Variants in CACNA2D2 observed in about 807,000 individuals in gnomAD.
The protein encoded by CACNA2D2 is voltage-dependent calcium channel subunit alpha-2/delta-2.
In CACNA2D2, 48 loss-of-function variants were observed where a neutral mutation model predicts 166.4. The observed-to-expected ratio is 0.29, with a 90% CI of 0.23 to 0.37. The LOEUF is 0.37. Among genes scored for constraint, CACNA2D2 ranks in the 10% least tolerant of loss-of-function variants. CACNA2D2 has a pLI of 1.00. For synonymous variants in CACNA2D2, 561 were observed against 573.7 expected, an observed-to-expected ratio of 0.98 and a Z score of 0.32; for missense variants, 1,122 against 1,433.0, an observed-to-expected ratio of 0.78 and a Z score of 3.50.
intron 1 of CACNA2D2, among the ~76,000 whole-genome samples, chr3:50,489,324 T>C (rs1698421531): frequency 6.6e-6 from 1 of 152,160 alleles, no homozygotes; most frequent in Admixed American, 6.5e-5. Context: ...AATGGCCTCC[T>C]CCATATGCCA....
chr3:50,368,956 C>T (rs1354722141), intron 23 of CACNA2D2, among the ~76,000 whole-genome samples: 1 of 152,248 alleles, frequency 6.6e-6, no homozygotes, highest in Non-Finnish European at 1.5e-5. Flanking sequence ...ACCCCTCATT[C>T]ATACCTCTGC....
At chr3:50,411,258 T>C (rs1707003250) in intron 3 of CACNA2D2, among the ~76,000 whole-genome samples, 2 of 152,348 alleles carry the variant, frequency 1.3e-5, no homozygotes, top group Admixed American at 6.5e-5. Flanking sequence ...CAGCCTGTGA[T>C]CATTTTGTTT....
intron 2 of CACNA2D2, among the ~76,000 whole-genome samples, chr3:50,453,900 G>C (rs1709223933): frequency 6.6e-6 from 1 of 152,146 alleles, no homozygotes; most frequent in South Asian, 2.1e-4. Context: ...TCAGGGAAGG[G>C]AGGTGTGATC....
chr3:50,423,761 C>A (rs1009929521), intron 3 of CACNA2D2, among the ~76,000 whole-genome samples: 3 of 152,258 alleles, frequency 2.0e-5, no homozygotes, highest in Admixed American at 1.3e-4. Flanking sequence ...CCGTGCCCAG[C>A]CTCTCAAACA....
intron 1 of CACNA2D2, among the ~76,000 whole-genome samples, chr3:50,481,967 C>T (rs898468853): frequency 2.0e-5 from 3 of 152,056 alleles, no homozygotes; most frequent in African/African-American, 7.2e-5. Flanking sequence ...TGTATTCCAG[C>T]GTGGGTGACA....
chr3:50,386,797 T>C (rs1395979152), intron 5 of CACNA2D2, among the ~76,000 whole-genome samples: 2 of 152,202 alleles, frequency 1.3e-5, no homozygotes, highest in Non-Finnish European at 2.9e-5. Flanking sequence ...CACCTCTGTT[T>C]ACAGAGGGGA....
Position 50,364,687 on chromosome 3 carries a change from G to T in CACNA2D2, c.3411C>A (p.Val1137=). Residue 1137 remains valine, a synonymous_variant, in exon 38 of 38, where the codon GTC becomes GTA. Coordinates refer to ENST00000424201, the MANE Select transcript of CACNA2D2 (RefSeq NM_006030.4). ...LPPRPQPQVL[V]HASRRL ...GTGCTCAGAGGCGGCGAGAGGCGTG[G>T]ACGAGGACTTGAGGCTGCGGCCGGG... 6.5e-7 allele frequency: 1 copy of T among 1,539,228 alleles called. No homozygotes were observed. Among genetic ancestry groups the T allele is most frequent in the Non-Finnish European group, 8.8e-7 (1 of 1,141,152 alleles).
At chr3:50,396,300 G>A (rs955532055) in intron 3 of CACNA2D2, among the ~76,000 whole-genome samples, 13 of 152,036 alleles carry the variant, frequency 8.6e-5, no homozygotes, top group African/African-American at 2.4e-4. Context: ...TGTCCTGCCC[G>A]GAACCTGCAT....
rs186626330 is a variant in CACNA2D2, at chr3:50,438,894, C to G, written c.289-4465G>C. On this transcript the variant is annotated intron_variant, in intron 2 of 37. Transcript: ENST00000424201. ...GGGCCAAGGAAGCTGCAGGAACAGC[C>G]CTGTTTGCCCCGAGTGTTAGCTCTG... is the stretch of plus-strand genomic sequence containing the variant. Among the ~76,000 whole-genome samples, 809 of 152,272 alleles carry G rather than the reference C, an allele frequency of 5.3e-3. 15 individuals are homozygous for G. The highest frequency in any genetic ancestry group is 0.018 in the African/African-American group (755 of 41,550).
chr3:50,376,281 CGA>C lies in CACNA2D2; in HGVS notation c.1627-95_1627-94del. ...TTCCCTATTTGGCCTCCCACCGCACCGAGAGATTCTGTTTGCCTGCCTTGGGC... is the reference window on the plus strand; with the variant it reads ...TTCCCTATTTGGCCTCCCACCGCACCGAGATTCTGTTTGCCTGCCTTGGGC... On this transcript the variant is annotated intron_variant, in intron 17 of 37. Transcript: ENST00000424201. This position sits in a 1 kb window ranked among gnomAD's most constrained non-coding sequence, Gnocchi z 4.3. 2 of 1,309,802 alleles carry C rather than the reference CGA, an allele frequency of 1.5e-6. No individual in the cohort carries two copies. The highest frequency in any genetic ancestry group is 2.4e-5 in the East Asian group (1 of 40,926). 81.1% of individuals were successfully genotyped at this position (1,309,802 alleles called of 1,614,324 possible). A position where few individuals can be genotyped will look rare whatever the true frequency, so the allele number is the denominator to read the frequency against.
intron 3 of CACNA2D2, among the ~76,000 whole-genome samples, chr3:50,413,176 A>AG (rs1707106250): frequency 6.7e-6 from 1 of 150,296 alleles, no homozygotes; most frequent in Admixed American, 6.6e-5. Flanking sequence ...TGGTTGGGGT[A>AG]GGGGGGTGGT....
At chr3:50,431,660 G>A (rs942973358) in intron 3 of CACNA2D2, among the ~76,000 whole-genome samples, 1 of 152,166 alleles carries the variant, frequency 6.6e-6, no homozygotes, top group Non-Finnish European at 1.5e-5. Context: ...TGTCTGGTCA[G>A]TACATGCCTT....
At chr3:50,465,599 A>G (rs1354441050) in intron 2 of CACNA2D2, among the ~76,000 whole-genome samples, 1 of 152,200 alleles carries the variant, frequency 6.6e-6, no homozygotes, top group African/African-American at 2.4e-5. Context: ...GGGCAGCTGC[A>G]ATCACAGTGA....
At chr3:50,470,697 C>T (rs948885345) in intron 2 of CACNA2D2, among the ~76,000 whole-genome samples, 28 of 150,928 alleles carry the variant, frequency 1.9e-4, no homozygotes, top group African/African-American at 6.3e-4. Flanking sequence ...CCAGACTTTA[C>T]AGTGGGCGGG....
chr3:50,496,191 C>T (rs1018814507), intron 1 of CACNA2D2, among the ~76,000 whole-genome samples: 5 of 152,230 alleles, frequency 3.3e-5, no homozygotes, highest in African/African-American at 9.6e-5. Flanking sequence ...AGAGATAAAC[C>T]ACACGTGTGC....
chr3:50,435,136 T>G (rs377722490), intron 2 of CACNA2D2, among the ~76,000 whole-genome samples: 207 of 132,064 alleles, frequency 1.6e-3, no homozygotes, highest in Admixed American at 2.5e-3. Flanking sequence ...AATCTGAGGG[T>G]GTGTGTGTGT....
At chr3:50,462,936 TAG>T (rs1421638707) in intron 2 of CACNA2D2, among the ~76,000 whole-genome samples, 1 of 149,406 alleles carries the variant, frequency 6.7e-6, no homozygotes, top group South Asian at 2.1e-4. Context: ...GATAGAAGGA[TAG>T]AGAGAGAAGA....
intron 3 of CACNA2D2, among the ~76,000 whole-genome samples, chr3:50,408,236 C>T (rs891943915): frequency 6.6e-6 from 1 of 152,228 alleles, no homozygotes; most frequent in Non-Finnish European, 1.5e-5. Flanking sequence ...TGTCCCTGGG[C>T]AGCAAGGCGG....
At chr3:50,501,203 A>G (rs2107195282) in intron 1 of CACNA2D2, among the ~76,000 whole-genome samples, 1 of 152,248 alleles carries the variant, frequency 6.6e-6, no homozygotes, top group Non-Finnish European at 1.5e-5. Flanking sequence ...CCAGTTCAAC[A>G]AAAGCACCAA....
Sources: allele counts gnomAD v4.1 joint callset (sites outside exome capture counted in the v4.1 genomes callset), GRCh38; gene constraint gnomAD v4.1.1; non-coding constraint Gnocchi (gnomAD v3.1); transcripts MANE v1.5; gene names NCBI Gene and HGNC (gene_info 2026-07-23, HGNC 2026-07-21).